KLHL4: variants seen among roughly 807,000 people sequenced by gnomAD.
KLHL4 encodes the protein kelch-like protein 4.
A neutral mutation model predicts 45.8 loss-of-function variants in KLHL4; 17 were observed. That is an observed-to-expected ratio of 0.37 (90% CI 0.25 to 0.56). The LOEUF is 0.56. Ranked by LOEUF, KLHL4 falls within the 20% of genes least tolerant of loss-of-function variation. The pLI, the probability that KLHL4 is intolerant of heterozygous loss-of-function variation, is 0.79. For missense variants in KLHL4, 544 were observed against 544.9 expected, an observed-to-expected ratio of 1.00 and a Z score of 0.02; for synonymous variants, 224 against 189.9, an observed-to-expected ratio of 1.18 and a Z score of -1.47.
chrX:87,569,775 C>T (rs184717599), intron 1 of KLHL4, among the ~76,000 whole-genome samples: 32 of 110,925 alleles, frequency 2.9e-4, no homozygotes, highest in African/African-American at 9.4e-4. Context: ...AATAGACGAA[C>T]GTAAAGAGAC....
chrX:87,606,306 C>G (rs1244050425), intron 1 of KLHL4, among the ~76,000 whole-genome samples: 2 of 110,098 alleles, frequency 1.8e-5, no homozygotes, highest in African/African-American at 6.6e-5. Flanking sequence ...TTAGTTGTTA[C>G]TTAAATGTTT....
At chrX:87,565,246 AG>A (rs57947478) in intron 1 of KLHL4, among the ~76,000 whole-genome samples, 26,279 of 110,929 alleles carry the variant, frequency 0.24, 2,648 homozygotes, top group East Asian at 0.51. Flanking sequence ...TTATAGCTTA[AG>A]GTAATGGAAA....
chrX:87,527,008 G>C (rs537572723), intron 1 of KLHL4, among the ~76,000 whole-genome samples: 3 of 111,801 alleles, frequency 2.7e-5, no homozygotes, highest in South Asian at 7.4e-4. Context: ...AGACAATGAA[G>C]AATCAGTGAA....
chrX:87,665,562 A>C (rs901132321), intron 10 of KLHL4, among the ~76,000 whole-genome samples: 1 of 112,106 alleles, frequency 8.9e-6, no homozygotes, highest in African/African-American at 3.2e-5. Flanking sequence ...TTGAGATGTT[A>C]AAGGCAAATT....
chrX:87,566,454 C>T (rs917514840), intron 1 of KLHL4, among the ~76,000 whole-genome samples: 3 of 111,733 alleles, frequency 2.7e-5, no homozygotes, highest in Non-Finnish European at 5.6e-5. Context: ...TAGCCTAATC[C>T]ACCTTAAATG....
At chrX:87,605,984 G>T (rs1454064913) in intron 1 of KLHL4, among the ~76,000 whole-genome samples, 1 of 110,943 alleles carries the variant, frequency 9.0e-6, no homozygotes, top group African/African-American at 3.3e-5. Flanking sequence ...TGTCTATTAA[G>T]ATGATCATAT....
intron 1 of KLHL4, among the ~76,000 whole-genome samples, chrX:87,590,303 ACC>A (rs1157848307): frequency 9.1e-6 from 1 of 109,392 alleles, no homozygotes; most frequent in Admixed American, 9.9e-5. Flanking sequence ...AATCAGCCAA[ACC>A]CCCCCAGAAA....
intron 1 of KLHL4, among the ~76,000 whole-genome samples, chrX:87,529,534 T>G (rs1478687802): frequency 8.9e-6 from 1 of 111,796 alleles, no homozygotes; most frequent in Admixed American, 9.5e-5. Context: ...CAGGAAAACT[T>G]TTCTGTAGTT....
intron 1 of KLHL4, among the ~76,000 whole-genome samples, chrX:87,566,957 A>G (rs774190830): frequency 1.8e-5 from 2 of 111,164 alleles, no homozygotes; most frequent in Non-Finnish European, 3.8e-5. Flanking sequence ...AAAATAACTA[A>G]TAAGTACTAC....
intron 9 of KLHL4, among the ~76,000 whole-genome samples, chrX:87,659,694 T>G (rs1313703817): frequency 8.9e-6 from 1 of 111,970 alleles, no homozygotes; most frequent in East Asian, 2.8e-4. Flanking sequence ...ACAGGAAGAT[T>G]ATCTGGAGAC....
intron 5 of KLHL4, among the ~76,000 whole-genome samples, chrX:87,622,974 A>G (rs1363587902): frequency 1.8e-5 from 2 of 111,981 alleles, no homozygotes; most frequent in Admixed American, 9.5e-5. Context: ...GGTTAACTCA[A>G]CTCATACTGA....
chrX:87,562,294 C>T (rs1367638465), intron 1 of KLHL4, among the ~76,000 whole-genome samples: 1 of 109,943 alleles, frequency 9.1e-6, no homozygotes, highest in African/African-American at 3.3e-5. Flanking sequence ...ACAGTAAAAT[C>T]AACAAGCAAA....
At chrX:87,646,889 A>G (rs930003886) in intron 9 of KLHL4, among the ~76,000 whole-genome samples, 6 of 111,667 alleles carry the variant, frequency 5.4e-5, no homozygotes, top group Non-Finnish European at 1.1e-4. Context: ...AAAAACAGAG[A>G]TAAATAGATG....
intron 9 of KLHL4, among the ~76,000 whole-genome samples, chrX:87,638,730 TAG>T (rs916795550): frequency 9.0e-6 from 1 of 110,806 alleles, no homozygotes; most frequent in Non-Finnish European, 1.9e-5. Flanking sequence ...TACAGAAAAA[TAG>T]AGTCTCCTTA....
rs1923976327 is a variant in KLHL4 at position 87,655,899 on chromosome X, A to C, written c.1926-8865A>C. On this transcript the variant is annotated intron_variant, in intron 9 of 10. Transcript: ENST00000373119. ...TGGTCTAGTGGTGACAGATTTTCTC[A>C]GTGTTTGCTTGCCTGCAAAATACTT... Among the ~76,000 whole-genome samples, 3 of 111,839 alleles carry C rather than the reference A, an allele frequency of 2.7e-5. No homozygotes were observed. The South Asian group carries it at 1.1e-3, about 42-fold the overall frequency.
rs755226855 is a variant in KLHL4, at chrX:87,531,357, G to A, written c.422+13042G>A. 7.9e-3 allele frequency among the ~76,000 whole-genome samples: 876 copies of A among 110,883 alleles called. 8 individuals are homozygous for A. The highest frequency in any genetic ancestry group is 0.035 in the South Asian group (90 of 2,588). ...GTCCTTGCCCATGCCTATGTCCTGAGTGGTAATGCCTAGGTTTTCTTCTAG... is the reference window on the plus strand; with the variant it reads ...GTCCTTGCCCATGCCTATGTCCTGAATGGTAATGCCTAGGTTTTCTTCTAG... On this transcript the variant is annotated intron_variant, in intron 1 of 10. Transcript: ENST00000373119.
chrX:87,649,822 A>ATATG (rs1317560326), intron 9 of KLHL4, among the ~76,000 whole-genome samples: 1 of 111,141 alleles, frequency 9.0e-6, no homozygotes, highest in African/African-American at 3.3e-5. Flanking sequence ...TTTTGACCAT[A>ATATG]TATGTAAGGG....
At chrX:87,661,338 C>T (rs1448597608) in intron 9 of KLHL4, among the ~76,000 whole-genome samples, 1 of 110,928 alleles carries the variant, frequency 9.0e-6, no homozygotes, top group Non-Finnish European at 1.9e-5. Context: ...GTATACATCT[C>T]ATAACAAAAA....
intron 1 of KLHL4, among the ~76,000 whole-genome samples, chrX:87,613,163 T>A: frequency 9.0e-6 from 1 of 111,670 alleles, no homozygotes; most frequent in African/African-American, 3.2e-5. Flanking sequence ...ATGCAAGAAA[T>A]GTAATAAGCA....
Sources: allele counts gnomAD v4.1 joint callset (sites outside exome capture counted in the v4.1 genomes callset), GRCh38; gene constraint gnomAD v4.1.1; transcripts MANE v1.5; gene names NCBI Gene and HGNC (gene_info 2026-07-23, HGNC 2026-07-21).